SHQ1: variants seen among roughly 807,000 people sequenced by gnomAD.
SHQ1 encodes SHQ1, H/ACA ribonucleoprotein assembly factor, also known as protein SHQ1 homolog.
A neutral mutation model predicts 53.8 loss-of-function variants in SHQ1; 49 were observed. That is an observed-to-expected ratio of 0.91 (90% CI 0.72 to 1.16). SHQ1 has a LOEUF of 1.16. Among genes scored for constraint, SHQ1 ranks in the 50% most tolerant of loss-of-function variants. The pLI is 0.00. For missense variants in SHQ1, 738 were observed against 683.1 expected (o/e 1.08, Z -0.90); for synonymous variants, 243 against 251.0 (o/e 0.97, Z 0.30).
chr3:72,734,191 G>C, the SHQ1 span, among the ~76,000 whole-genome samples: 7 of 151,268 alleles, frequency 4.6e-5, no homozygotes, highest in Admixed American at 4.6e-4. Flanking sequence ...GGCCTGTAAA[G>C]CCCCTTGTCC....
At chr3:72,776,147 G>A (rs1187151283) in intron 10 of SHQ1, among the ~76,000 whole-genome samples, 1 of 152,196 alleles carries the variant, frequency 6.6e-6, no homozygotes, top group African/African-American at 2.4e-5. Flanking sequence ...ATACATAAGA[G>A]TTAATAGTAG....
chr3:72,840,583 T>C (rs1343459847), intron 4 of SHQ1, among the ~76,000 whole-genome samples: 3 of 144,488 alleles, frequency 2.1e-5, no homozygotes, highest in East Asian at 2.0e-4. Context: ...AAAAAGAGAA[T>C]AGAAAATGGT....
At chr3:72,816,441 G>A (rs1319248485) in intron 7 of SHQ1, among the ~76,000 whole-genome samples, 1 of 152,082 alleles carries the variant, frequency 6.6e-6, no homozygotes, top group Non-Finnish European at 1.5e-5. Flanking sequence ...GCTATGCTCA[G>A]ATCAAAAATA....
intron 10 of SHQ1, among the ~76,000 whole-genome samples, chr3:72,769,044 T>C (rs1008359673): frequency 2.6e-5 from 4 of 152,184 alleles, no homozygotes; most frequent in African/African-American, 9.7e-5. Context: ...AGGAAAAAAG[T>C]GCAGGTCCTT....
intron 9 of SHQ1, among the ~76,000 whole-genome samples, chr3:72,806,466 A>G (rs1247900815): frequency 6.6e-6 from 1 of 152,224 alleles, no homozygotes; most frequent in Non-Finnish European, 1.5e-5. Flanking sequence ...GTTCAAGAAC[A>G]ATTTAGAATA....
At chr3:72,844,476 G>A (rs780953552) in intron 1 of SHQ1, 53 bp from the exon 2 acceptor site, 1 of 1,392,014 alleles carries the variant, frequency 7.2e-7, no homozygotes, top group Non-Finnish European at 1.0e-6. Flanking sequence ...CGTAACATAA[G>A]TGGCCATCAA....
chr3:72,751,504 G>GTA (rs1233066493), intron 10 of SHQ1, among the ~76,000 whole-genome samples: 1 of 118,142 alleles, frequency 8.5e-6, no homozygotes, highest in African/African-American at 4.3e-5. Flanking sequence ...GTGTGTGTGT[G>GTA]TGTGTATATA....
At position 72,846,420 on chromosome 3, in the gene SHQ1, C is replaced by T; in HGVS notation, c.143+1778G>A. The T allele has an allele frequency of 5.1e-6, 5 of 976,732 alleles. 1 individual carries two copies. The South Asian group carries it at 8.2e-5, about 16-fold the overall frequency. The allele number at this position is 976,732 out of a possible 1,614,324, so 60.5% of individuals were successfully genotyped here. On this transcript the variant is annotated intron_variant, in intron 1 of 10. Transcript: ENST00000325599. The stretch of plus-strand genomic sequence containing the variant: ...AGCGATTCTCTCACCTCAAGCTTCC[C>T]AAGTAGCTAGGACTACAAGCGCGTG...
At chr3:72,790,614 C>A (rs922848572) in intron 10 of SHQ1, among the ~76,000 whole-genome samples, 1 of 151,986 alleles carries the variant, frequency 6.6e-6, no homozygotes, top group South Asian at 2.1e-4. Flanking sequence ...TTATTTAGAC[C>A]TAAGAAGTTC....
chr3:72,830,537 A>T lies in SHQ1; in HGVS notation c.599+1832T>A, dbSNP rs1413460245. 4.6e-5 allele frequency among the ~76,000 whole-genome samples: 7 copies of T among 152,274 alleles called. No individual in the cohort carries two copies. In the East Asian group the frequency reaches 1.2e-3, roughly 25 times the overall value. On this transcript the variant is annotated intron_variant, in intron 5 of 10. Transcript: ENST00000325599. ...ACTGAGCTAAAAAAAAGAATTTTTA[A>T]ATAAAAATTAAAAAGAATTTTAGTT...
the SHQ1 span, among the ~76,000 whole-genome samples, chr3:72,743,803 C>T: frequency 1.3e-5 from 2 of 152,080 alleles, no homozygotes; most frequent in African/African-American, 4.8e-5. Flanking sequence ...AGATAGGACA[C>T]GCATATTTAC....
chr3:72,812,607 T>A, intron 9 of SHQ1, 64 bp downstream of exon 9: 1 of 1,584,020 alleles, frequency 6.3e-7, no homozygotes, highest in Non-Finnish European at 8.6e-7. Context: ...CATTATTATA[T>A]CTTCACAGAC....
rs896695653 is a variant in SHQ1 at position 72,834,744 on chromosome 3, T to C, written c.487-2263A>G. Among the ~76,000 whole-genome samples, 23 of 152,234 alleles carry C rather than the reference T, an allele frequency of 1.5e-4. 3 individuals carry two copies. Among genetic ancestry groups the C allele is most frequent in the East Asian group, 7.7e-4 (4 of 5,200 alleles). ...ATGTAGTATTTTCCTTTGAGTGCCA[T>C]GCTGGTGCTCAAAAAGTTCTGGATC... On this transcript the variant is annotated intron_variant, in intron 4 of 10. Transcript: ENST00000325599.
intron 10 of SHQ1, among the ~76,000 whole-genome samples, chr3:72,756,960 G>T (rs1335541932): frequency 6.6e-6 from 1 of 152,172 alleles, no homozygotes; most frequent in Non-Finnish European, 1.5e-5. Flanking sequence ...ACTGTAGGAG[G>T]GGGAAAGCCT....
At chr3:72,738,174 C>T in the SHQ1 span, among the ~76,000 whole-genome samples, 1 of 152,166 alleles carries the variant, frequency 6.6e-6, no homozygotes, top group Non-Finnish European at 1.5e-5. Flanking sequence ...CTGGGTGACC[C>T]CTACTCACTG....
At chr3:72,748,329 C>CAAAAAAAAAAAAAAAAAAAAAAAAAA (rs572927520), downstream of SHQ1, among the ~76,000 whole-genome samples, 17 of 58,790 alleles carry the variant, frequency 2.9e-4, 1 homozygote, top group Non-Finnish European at 3.0e-4. Context: ...ATGAGGCATG[C>CAAAAAAAAAAAAAAAAAAAAAAAAAA]AAAAAAAAAA....
At chr3:72,799,078 T>C (rs1489480987) in intron 9 of SHQ1, among the ~76,000 whole-genome samples, 1 of 151,394 alleles carries the variant, frequency 6.6e-6, no homozygotes, top group East Asian at 1.9e-4. Context: ...CCCAACACTA[T>C]AGGAGGCGCC....
intron 10 of SHQ1, among the ~76,000 whole-genome samples, chr3:72,786,052 CCAAGT>C (rs1285233557): frequency 6.6e-6 from 1 of 152,120 alleles, no homozygotes; most frequent in African/African-American, 2.4e-5. Context: ...AGTTAGATGC[CCAAGT>C]CAAAACCCAC....
At chr3:72,788,102 A>C (rs1004657721) in intron 10 of SHQ1, among the ~76,000 whole-genome samples, 6 of 152,150 alleles carry the variant, frequency 3.9e-5, no homozygotes. Context: ...GGCCTCCCAA[A>C]GTGCCAAGTT....
Sources: gnomAD v4.1 joint callset for allele counts (sites outside exome capture counted in the v4.1 genomes callset) on GRCh38, gnomAD v4.1.1 for gene constraint, MANE v1.5 for transcripts, NCBI Gene and HGNC (gene_info 2026-07-23, HGNC 2026-07-21) for gene names.